SAMD3: variants seen among roughly 807,000 people sequenced by gnomAD.
SAMD3 encodes sterile alpha motif domain containing 3.
In SAMD3, 63 loss-of-function variants were observed where a neutral mutation model predicts 58.5. The ratio of observed to expected loss-of-function variants is 1.08; its 90% confidence interval spans 0.88 to 1.33. SAMD3 has a LOEUF of 1.33. Among genes scored for constraint, SAMD3 ranks in the 40% most tolerant of loss-of-function variants. The probability of loss-of-function intolerance (pLI) is 0.00; values close to 1 mark genes in which losing one functional copy is unlikely to be tolerated. For missense variants in SAMD3, 604 were observed against 608.4 expected (o/e 0.99, Z 0.08); for synonymous variants, 220 against 210.3 (o/e 1.05, Z -0.40).
intron 2 of SAMD3, among the ~76,000 whole-genome samples, chr6:130,305,609 G>A (rs1775888626): frequency 6.6e-6 from 1 of 152,102 alleles, no homozygotes; most frequent in Non-Finnish European, 1.5e-5. Context: ...TTTTAGTCAT[G>A]AATGGATATT....
intron 8 of SAMD3, among the ~76,000 whole-genome samples, chr6:130,175,476 G>A (rs1048008517): frequency 6.6e-6 from 1 of 152,058 alleles, no homozygotes; most frequent in African/African-American, 2.4e-5. Flanking sequence ...ACCTAACTCA[G>A]ACAATGTGAG....
At chr6:130,214,670 G>T (rs1795880482) in intron 3 of SAMD3, 144 bp from the exon 4 acceptor site, 3 of 548,146 alleles carry the variant, frequency 5.5e-6, no homozygotes, top group African/African-American at 3.9e-5. Flanking sequence ...TTTTGACAAA[G>T]ATAAAACTCC....
chr6:130,184,610 G>A lies in SAMD3; in HGVS notation c.397C>T (p.Gln133Ter), dbSNP rs1211438121. 1.6e-5 allele frequency: 25 copies of A among 1,605,966 alleles called. No homozygotes were observed. Among genetic ancestry groups the A allele is most frequent in the Non-Finnish European group, 2.0e-5 (24 of 1,175,784 alleles). Residue 133 changes from glutamine (Q) to a stop codon, truncating the protein, a stop_gained, in exon 6 of 12, where the codon CAA becomes TAA. Coordinates refer to ENST00000439090, the MANE Select transcript of SAMD3 (RefSeq NM_001017373.4). LOFTEE classifies it high-confidence loss of function. ...AATGCTTTGCTTCTTGCTAGAATTT[G>A]TTTCACATTTCTTCTGTGAAATAAA... ...RVLKQRRNVK[Q>*]ILARSKALQW... is the part of the protein sequence containing the mutation.
exon 1 of SAMD3, chr6:130,365,211 G>T: frequency 8.1e-6 from 8 of 985,512 alleles, no homozygotes; most frequent in Non-Finnish European, 9.6e-6. Flanking sequence ...TCCACTCACT[G>T]GATGTTTGGG....
At chr6:130,274,127 C>T (rs1466939831) in intron 2 of SAMD3, among the ~76,000 whole-genome samples, 2 of 152,120 alleles carry the variant, frequency 1.3e-5, no homozygotes, top group Non-Finnish European at 2.9e-5. Context: ...TTTACCTCTC[C>T]ATTTCTGAAG....
chr6:130,224,592 T>TTTATTATTA (rs147379974), upstream of SAMD3, among the ~76,000 whole-genome samples: 699 of 143,890 alleles, frequency 4.9e-3, 5 homozygotes, highest in Middle Eastern at 0.011. Context: ...ACTCTATTTA[T>TTTATTATTA]TTATTATTAT....
Position 130,346,457 on chromosome 6 carries a change from C to T in SAMD3, c.-304+18663G>A, listed in dbSNP as rs57003467. 3.9e-5 allele frequency among the ~76,000 whole-genome samples: 6 copies of T among 152,330 alleles called. No individual in the cohort carries two copies. In the East Asian group the frequency reaches 5.8e-4, roughly 15 times the overall value. On this transcript the variant is annotated intron_variant, in intron 1 of 13. Coordinates refer to the SAMD3 transcript ENST00000368134. ...CCTGGCTTGGAGGGTCCTATGCCCA[C>T]GGAGCCTCGCTCATTGCTAGCACAC...
intron 2 of SAMD3, among the ~76,000 whole-genome samples, chr6:130,269,867 G>T (rs1774498334): frequency 6.6e-6 from 1 of 151,796 alleles, no homozygotes; most frequent in African/African-American, 2.4e-5. Context: ...CCTTACCAGG[G>T]TTGCTTTAGC....
At chr6:130,228,621 C>T (rs1439310150) in intron 2 of SAMD3, among the ~76,000 whole-genome samples, 3 of 152,124 alleles carry the variant, frequency 2.0e-5, no homozygotes, top group African/African-American at 4.8e-5. Flanking sequence ...GGCTGGGAGC[C>T]GCGGGTGTTA....
chr6:130,328,834 T>C (rs776609052), intron 1 of SAMD3, among the ~76,000 whole-genome samples: 12 of 152,206 alleles, frequency 7.9e-5, no homozygotes, highest in Non-Finnish European at 1.2e-4. Context: ...AGAAAATCAT[T>C]TGGGATCCAA....
chr6:130,292,267 C>CTTTTTTTTTTTTTT (rs1554271698), intron 2 of SAMD3, among the ~76,000 whole-genome samples: 4 of 83,940 alleles, frequency 4.8e-5, no homozygotes, highest in African/African-American at 1.6e-4. Flanking sequence ...TTTTTTCTTT[C>CTTTTTTTTTTTTTT]TTTCTTTTTT....
At chr6:130,285,035 A>G (rs1247464318) in intron 2 of SAMD3, among the ~76,000 whole-genome samples, 1 of 152,234 alleles carries the variant, frequency 6.6e-6, no homozygotes, top group African/African-American at 2.4e-5. Flanking sequence ...GTAGATAGCT[A>G]AACTGAGACT....
At chr6:130,301,154 C>CTT (rs754760839) in intron 2 of SAMD3, among the ~76,000 whole-genome samples, 4 of 152,064 alleles carry the variant, frequency 2.6e-5, no homozygotes, top group Non-Finnish European at 5.9e-5. Context: ...CAAACTCATT[C>CTT]TTTTTTATGG....
chr6:130,244,109 G>A (rs1320162861), intron 2 of SAMD3, among the ~76,000 whole-genome samples: 1 of 152,116 alleles, frequency 6.6e-6, no homozygotes, highest in Admixed American at 6.5e-5. Flanking sequence ...TTTGTTCCTA[G>A]CAAGTAGAAA....
chr6:130,365,245 T>C, exon 1 of SAMD3: 4 of 985,456 alleles, frequency 4.1e-6, no homozygotes, highest in Non-Finnish European at 4.8e-6. Context: ...AACCTGAACC[T>C]CTCGTTGGCT....
chr6:130,360,782 C>T (rs187676937), intron 1 of SAMD3, among the ~76,000 whole-genome samples: 117 of 152,224 alleles, frequency 7.7e-4, no homozygotes, highest in African/African-American at 2.5e-3. Flanking sequence ...CCTACAGTTT[C>T]GACCATAGAA....
intron 8 of SAMD3, among the ~76,000 whole-genome samples, chr6:130,167,892 A>G (rs78994929): frequency 0.026 from 3,899 of 152,298 alleles, 161 homozygotes; most frequent in African/African-American, 0.088. Context: ...CTATATATAT[A>G]ACATGATGAT....
chr6:130,224,875 C>T (rs148106199), upstream of SAMD3, among the ~76,000 whole-genome samples: 6,583 of 152,092 alleles, frequency 0.043, 463 homozygotes, highest in African/African-American at 0.15. Context: ...GCCTCGGCCT[C>T]CTAAAGTGCT....
intron 2 of SAMD3, among the ~76,000 whole-genome samples, chr6:130,263,175 A>C (rs1314984708): frequency 6.6e-6 from 1 of 152,192 alleles, no homozygotes; most frequent in Non-Finnish European, 1.5e-5. Flanking sequence ...ACCTAATAAA[A>C]ATAGGTGCTA....
Sources: gnomAD v4.1 joint callset for allele counts (sites outside exome capture counted in the v4.1 genomes callset) on GRCh38, gnomAD v4.1.1 for gene constraint, MANE v1.5 for transcripts, NCBI Gene and HGNC (gene_info 2026-07-23, HGNC 2026-07-21) for gene names.